SHANK2: variants seen among roughly 807,000 people sequenced by gnomAD.
SHANK2 encodes the protein SH3 and multiple ankyrin repeat domains 2, also known as SH3 and multiple ankyrin repeat domains protein 2.
Under a neutral mutation model 133.7 loss-of-function variants are expected in SHANK2, and 43 were observed. The observed-to-expected ratio is 0.32, with a 90% confidence interval of 0.25 to 0.41. The LOEUF (loss-of-function observed/expected upper bound fraction) is 0.41. Among genes scored for constraint, SHANK2 ranks in the 10% least tolerant of loss-of-function variants. The pLI is 1.00. For synonymous variants in SHANK2, 1,017 were observed against 952.8 expected (o/e 1.07, Z -1.24); for missense variants, 1,994 against 2,235.8 (o/e 0.89, Z 2.18).
At chr11:70,908,911 C>G (rs1950150078) in intron 10 of SHANK2, among the ~76,000 whole-genome samples, 1 of 152,192 alleles carries the variant, frequency 6.6e-6, no homozygotes, top group Admixed American at 6.5e-5. Context: ...CTGGCCACCT[C>G]CTTGGAGGAG....
intron 11 of SHANK2, among the ~76,000 whole-genome samples, chr11:70,887,462 G>C (rs566439464): frequency 6.6e-6 from 1 of 151,752 alleles, no homozygotes; most frequent in East Asian, 1.9e-4. Context: ...AACGCTTCGC[G>C]GCAGGCTGAA....
rs1554993652 is a variant in SHANK2, at chr11:70,609,765, A to ATAT, written c.2061+50062_2061+50063insATA. 3.7e-3 allele frequency among the ~76,000 whole-genome samples: 463 copies of ATAT among 123,988 alleles called. 4 individuals are homozygous for ATAT. The highest frequency in any genetic ancestry group is 0.014 in the African/African-American group (450 of 32,304). 81.3% of individuals were successfully genotyped at this position (123,988 alleles called of 152,430 possible). A position where few individuals can be genotyped will look rare whatever the true frequency, so the allele number is the denominator to read the frequency against. ...TATATTGCATATTGTATATACATGTACTATATTGTATATTGTATATGTATA... is the reference window on the plus strand; with the variant it reads ...TATATTGCATATTGTATATACATGTATATCTATATTGTATATTGTATATGTATA... On this transcript the variant is annotated intron_variant, in intron 17 of 25. Transcript: ENST00000601538.
rs893899934 is a variant in SHANK2, at chr11:71,252,148, C to G, written c.-113+277G>C. 1.2e-4 allele frequency among the ~76,000 whole-genome samples: 18 copies of G among 152,196 alleles called. No individual in the cohort carries two copies. The highest frequency in any genetic ancestry group is 3.3e-4 in the Admixed American group (5 of 15,288). ...TCCTTCCTGCGCTCTGCCCCCACGCCGCTTCCAAAGCTTTCGACACCGGCC... is the reference window on the plus strand; with the variant it reads ...TCCTTCCTGCGCTCTGCCCCCACGCGGCTTCCAAAGCTTTCGACACCGGCC... On this transcript the variant is annotated intron_variant, in intron 1 of 25. Coordinates refer to ENST00000601538, the MANE Select transcript of SHANK2 (RefSeq NM_012309.5). This position sits in a 1 kb window ranked among gnomAD's most constrained non-coding sequence, Gnocchi z 6.3.
At chr11:70,602,418 C>T (rs1388359270) in intron 17 of SHANK2, among the ~76,000 whole-genome samples, 2 of 152,190 alleles carry the variant, frequency 1.3e-5, no homozygotes, top group Non-Finnish European at 2.9e-5. Flanking sequence ...CTCCTAACAC[C>T]TACACTCAGA....
In SHANK2 at chr11:71,185,490, G is replaced by C. The variant is rs150574211; in HGVS notation, c.-12-38152C>G. ...TATAGACCAACTGTGAAAACTCAAG[G>C]TTCCACCCTGACCATTCTTGGGCAT... On this transcript the variant is annotated intron_variant, in intron 2 of 25. Coordinates refer to ENST00000601538, the MANE Select transcript of SHANK2 (RefSeq NM_012309.5). Among the ~76,000 whole-genome samples, 7 of 152,304 alleles carry C rather than the reference G, an allele frequency of 4.6e-5. No individual in the cohort carries two copies. In the East Asian group the frequency reaches 1.4e-3, roughly 29 times the overall value.
intron 14 of SHANK2, among the ~76,000 whole-genome samples, chr11:70,775,863 C>T (rs1408655083): frequency 6.6e-6 from 1 of 152,228 alleles, no homozygotes; most frequent in Non-Finnish European, 1.5e-5. Context: ...ATTCATAATC[C>T]CCGAATCTGT....
At chr11:71,204,714 G>C (rs888285657) in intron 2 of SHANK2, among the ~76,000 whole-genome samples, 2 of 152,194 alleles carry the variant, frequency 1.3e-5, no homozygotes, top group African/African-American at 4.8e-5. Flanking sequence ...CCTGACCAGA[G>C]ACACAGAAAA....
intron 3 of SHANK2, among the ~76,000 whole-genome samples, chr11:71,146,881 A>T (rs1555106778): frequency 1.3e-5 from 2 of 151,690 alleles, no homozygotes; most frequent in African/African-American, 4.8e-5. Context: ...ATGTTTGTGG[A>T]TGGAGTTGGG....
In SHANK2 at chr11:70,500,599, C is replaced by A; in HGVS notation, c.2288-9G>T. The A allele has an allele frequency of 1.2e-6, 2 of 1,601,164 alleles. No homozygotes were observed. The highest frequency in any genetic ancestry group is 1.7e-6 in the Non-Finnish European group (2 of 1,174,108). ...CTTCTTCCGGACCGAGGCTTGCAAA[C>A]AGAAAGGGGACCGCCATGAGCCACC... On this transcript the variant is annotated splice_polypyrimidine_tract_variant and intron_variant, in intron 20 of 25. Transcript: ENST00000601538. This position sits in a 1 kb window ranked among gnomAD's most constrained non-coding sequence, Gnocchi z 4.5.
chr11:70,600,943 A>C (rs1490254174), intron 17 of SHANK2, among the ~76,000 whole-genome samples: 2 of 152,226 alleles, frequency 1.3e-5, no homozygotes, highest in East Asian at 1.9e-4. Flanking sequence ...AGTTTGATAA[A>C]TTCATCTACA....
intron 17 of SHANK2, among the ~76,000 whole-genome samples, chr11:70,587,698 GTTTTTTTTTT>G (rs34539549): frequency 1.7e-5 from 2 of 119,740 alleles, no homozygotes; most frequent in Non-Finnish European, 3.3e-5. Flanking sequence ...AGCACGTCCA[GTTTTTTTTTT>G]TTTTTTTTTT....
intron 8 of SHANK2, among the ~76,000 whole-genome samples, chr11:71,076,310 A>T (rs1951218635): frequency 6.6e-6 from 1 of 152,116 alleles, no homozygotes; most frequent in South Asian, 2.1e-4. Context: ...TGAGAGCAGT[A>T]GGCGCCATGG....
chr11:71,133,783 C>T (rs1355104899), intron 3 of SHANK2, among the ~76,000 whole-genome samples: 1 of 152,156 alleles, frequency 6.6e-6, no homozygotes, highest in African/African-American at 2.4e-5. Context: ...AGAAAATGTG[C>T]TCATGTCAAG....
intron 11 of SHANK2, chr11:70,872,900 T>C: frequency 9.5e-6 from 4 of 423,000 alleles, no homozygotes; most frequent in South Asian, 7.0e-5. Flanking sequence ...AGAGCCCAGC[T>C]CCTCGGGGCA....
At chr11:71,079,677 G>A (rs1203104564) in intron 8 of SHANK2, among the ~76,000 whole-genome samples, 2 of 151,050 alleles carry the variant, frequency 1.3e-5, no homozygotes, top group Admixed American at 6.6e-5. Flanking sequence ...GGAGAATGGC[G>A]TGAACCCGGG....
At chr11:70,825,538 C>A (rs903865779) in intron 11 of SHANK2, among the ~76,000 whole-genome samples, 2 of 152,190 alleles carry the variant, frequency 1.3e-5, no homozygotes, top group African/African-American at 4.8e-5. Flanking sequence ...CAAATGAAAT[C>A]TCACCGGTGA....
At chr11:71,058,957 G>C (rs1422718792) in intron 9 of SHANK2, among the ~76,000 whole-genome samples, 1 of 152,244 alleles carries the variant, frequency 6.6e-6, no homozygotes, top group Non-Finnish European at 1.5e-5. Context: ...GCTCACGTCT[G>C]TAATCCCAGC....
rs4587753 is a variant in SHANK2, at chr11:70,912,741, T to C, written c.1108-16174A>G. On this transcript the variant is annotated intron_variant, in intron 10 of 25. Transcript: ENST00000601538. ...ATCGGCACTCACCCCCAGACTTCCT[T>C]CAAAACCACTTAAACCTCTTTTTGT... 6.9e-3 allele frequency among the ~76,000 whole-genome samples: 1,058 copies of C among 152,288 alleles called. 14 individuals carry two copies. The highest frequency in any genetic ancestry group is 0.023 in the African/African-American group (959 of 41,550).
chr11:70,934,957 G>C (rs1555083212), intron 10 of SHANK2, among the ~76,000 whole-genome samples: 1 of 152,204 alleles, frequency 6.6e-6, no homozygotes, highest in Admixed American at 6.5e-5. Flanking sequence ...CGGAGAGAAG[G>C]GACGGGGCAG....
Sources: allele counts gnomAD v4.1 joint callset (sites outside exome capture counted in the v4.1 genomes callset), GRCh38; gene constraint gnomAD v4.1.1; non-coding constraint Gnocchi (gnomAD v3.1); transcripts MANE v1.5; gene names NCBI Gene and HGNC (gene_info 2026-07-23, HGNC 2026-07-21).